IFT27: variants seen among roughly 807,000 people sequenced by gnomAD.
IFT27 encodes intraflagellar transport protein 27 homolog.
Under a neutral mutation model 23.9 loss-of-function variants are expected in IFT27, and 19 were observed. That is an observed-to-expected ratio of 0.79 (90% CI 0.55 to 1.16). The LOEUF (loss-of-function observed/expected upper bound fraction) is 1.16, where lower values mean the gene tolerates loss of function less well. IFT27 is among the 50% of genes most tolerant of loss of function. The pLI, the probability that IFT27 is intolerant of heterozygous loss-of-function variation, is 0.00. For synonymous variants in IFT27, 91 were observed against 89.1 expected, an observed-to-expected ratio of 1.02 and a Z score of -0.12; for missense variants, 206 against 228.7, an observed-to-expected ratio of 0.90 and a Z score of 0.64.
At chr22:36,772,748 G>A (rs2145925407) in intron 1 of IFT27, 1 of 985,224 alleles carries the variant, frequency 1.0e-6, no homozygotes. Context: ...CACTTGAACT[G>A]AACGTCAGGT....
At position 36,766,207 on chromosome 22, in the gene IFT27, G is replaced by GAAAAGC. The variant is rs1938245494; in HGVS notation, c.175-16_175-11dup. The GAAAAGC allele has an allele frequency of 5.0e-6, 8 of 1,613,098 alleles. No homozygotes were observed. In the Admixed American group the frequency reaches 1.0e-4, roughly 20 times the overall value. ...CAAAAATGAAGAGTTCCTACAATCAGAAAAGCAAGAAAAGTCTCCACGTGG... is the reference window on the plus strand; with the variant it reads ...CAAAAATGAAGAGTTCCTACAATCAGAAAAGCAAAAGCAAGAAAAGTCTCCACGTGG... On this transcript the variant is annotated splice_polypyrimidine_tract_variant and intron_variant, in intron 3 of 6. Transcript: ENST00000433985.
At chr22:36,772,718 G>A (rs1488209247) in intron 1 of IFT27, 2 of 984,702 alleles carry the variant, frequency 2.0e-6, no homozygotes, top group Admixed American at 6.1e-5. Flanking sequence ...TGCTCAGCGA[G>A]TATCTGTTCA....
In IFT27 at chr22:36,776,092, A is replaced by G. The variant is rs1159203375; in HGVS notation, c.-385T>C. The G allele has an allele frequency of 3.7e-6, 1 of 273,058 alleles. No homozygotes were observed. Among genetic ancestry groups the G allele is most frequent in the African/African-American group, 2.2e-5 (1 of 45,974 alleles). The allele number at this position is 273,058 out of a possible 1,614,324, so 16.9% of individuals were successfully genotyped here. A position where few individuals can be genotyped will look rare whatever the true frequency, so the allele number is the denominator to read the frequency against. ...CGATCACAAGTACCGGGCCGGATGC[A>G]CTCTCCAAGCAACCATAGCCCACCT... On this transcript the variant is annotated 5_prime_UTR_variant, in exon 1 of 7. Transcript: ENST00000433985.
intron 1 of IFT27, among the ~76,000 whole-genome samples, chr22:36,774,259 A>T (rs374428667): frequency 5.6e-4 from 86 of 152,350 alleles, no homozygotes; most frequent in African/African-American, 1.9e-3. Flanking sequence ...TATAAAAGCC[A>T]TTAAAAATAT....
At chr22:36,765,264 C>T (rs1313111342) in intron 4 of IFT27, among the ~76,000 whole-genome samples, 1 of 152,186 alleles carries the variant, frequency 6.6e-6, no homozygotes, top group Non-Finnish European at 1.5e-5. Context: ...TGGCATCAAG[C>T]TAAAGCCAGA....
At position 36,763,491 on chromosome 22, in the gene IFT27, T is replaced by C. The variant is rs1321071885; in HGVS notation, c.352+428A>G. On this transcript the variant is annotated intron_variant, in intron 5 of 6. Coordinates refer to ENST00000433985, the MANE Select transcript of IFT27 (RefSeq NM_001177701.3). ...TGTCTCTGGAGATCACTTTCCCCGG[T>C]CTATAATGAGGAGAATTTGTTGATC... 1.3e-5 allele frequency: 4 copies of C among 299,058 alleles called. No individual in the cohort carries two copies. In the East Asian group the frequency reaches 3.6e-4, roughly 27 times the overall value. The allele number at this position is 299,058 out of a possible 1,614,324, so 18.5% of individuals were successfully genotyped here. A position where few individuals can be genotyped will look rare whatever the true frequency, so the allele number is the denominator to read the frequency against.
intron 4 of IFT27, among the ~76,000 whole-genome samples, chr22:36,765,351 T>G (rs1457206764): frequency 6.6e-6 from 1 of 152,160 alleles, no homozygotes; most frequent in Non-Finnish European, 1.5e-5. Context: ...GGATTTGCCC[T>G]AATACATCTT....
chr22:36,774,620 C>G (rs1237669565), intron 1 of IFT27, among the ~76,000 whole-genome samples: 4 of 151,090 alleles, frequency 2.6e-5, no homozygotes. Context: ...CCAGTCTGGC[C>G]AACATGGTGA....
chr22:36,768,021 C>A, intron 1 of IFT27, 159 bp from the exon 2 acceptor site: 1 of 727,460 alleles, frequency 1.4e-6, no homozygotes, highest in Non-Finnish European at 2.5e-6. Context: ...GGGCAGGGCA[C>A]AGGTCCATGA....
Position 36,758,337 on chromosome 22 carries a change from C to A in IFT27, c.535G>T (p.Val179Leu). The change falls in exon 7 of 7, where the codon GTG becomes TTG. Residue 179 changes from valine to leucine, a missense_variant. Transcript: ENST00000433985. ...KQFHQLYREK[V>L]EVFRALA ...CATGCCAGGGCCCGGAAAACCTCCA[C>A]CTTCTCCCGGTACAGCTGGTGGAAC... 1 of 1,614,184 alleles carries A rather than the reference C, an allele frequency of 6.2e-7. No individual in the cohort carries two copies. Among genetic ancestry groups the A allele is most frequent in the East Asian group, 2.2e-5 (1 of 44,888 alleles).
chr22:36,758,722 G>A (rs923093073), intron 6 of IFT27: 1 of 295,664 alleles, frequency 3.4e-6, no homozygotes, highest in African/African-American at 2.2e-5. Context: ...GACGAGATGT[G>A]AAAATGACAC....
At chr22:36,772,474 T>C (rs1938405959) in intron 1 of IFT27, 1 of 983,994 alleles carries the variant, frequency 1.0e-6, no homozygotes, top group East Asian at 1.1e-4. Context: ...TAAGTGTTTT[T>C]TTAAAAGTAA....
intron 1 of IFT27, among the ~76,000 whole-genome samples, chr22:36,770,696 C>T (rs1480037491): frequency 6.6e-6 from 1 of 152,146 alleles, no homozygotes; most frequent in Admixed American, 6.5e-5. Context: ...CCTCCTTCCT[C>T]CCATCTTCAG....
intron 4 of IFT27, among the ~76,000 whole-genome samples, chr22:36,764,917 C>A (rs982483594): frequency 1.3e-5 from 2 of 152,156 alleles, no homozygotes; most frequent in African/African-American, 4.8e-5. Context: ...ACAATTAGGA[C>A]CTGGTTTATT....
intron 1 of IFT27, among the ~76,000 whole-genome samples, chr22:36,770,058 G>T (rs1938355789): frequency 6.6e-6 from 1 of 152,186 alleles, no homozygotes; most frequent in Non-Finnish European, 1.5e-5. Context: ...AAGGCGTCTG[G>T]GAAGCATCGA....
At chr22:36,763,642 T>A (rs1938157039) in intron 5 of IFT27, 1 of 525,672 alleles carries the variant, frequency 1.9e-6, no homozygotes, top group African/African-American at 1.9e-5. Flanking sequence ...TTTCTGGAAT[T>A]AACAACTGAT....
Position 36,763,925 on chromosome 22 carries a change from G to C in IFT27, c.346C>G (p.Leu116Val). The C allele has an allele frequency of 6.2e-7, 1 of 1,609,732 alleles. No individual in the cohort carries two copies. Among genetic ancestry groups the C allele is most frequent in the South Asian group, 1.1e-5 (1 of 91,004 alleles). The change falls in exon 5 of 7, where the codon CTC (leucine) becomes GTC (valine). Residue 116 changes from leucine to valine, a missense_variant. By Grantham distance (32) the Leu-to-Val change is conservative. Transcript: ENST00000433985. Reference sequence around the variant, plus strand: ...GGGTGTCTGCAGCCCGTACCTGGGAGAGAGATGCCTGGAGCCTGTGACCGA... The same window carrying C: ...GGGTGTCTGCAGCCCGTACCTGGGACAGAGATGCCTGGAGCCTGTGACCGA... ...KARSQAPGIS[L>V]PGVLVGNKTD...
chr22:36,763,626 G>T, intron 5 of IFT27: 2 of 498,814 alleles, frequency 4.0e-6, no homozygotes, highest in South Asian at 4.1e-5. Flanking sequence ...CTTCCCTGGG[G>T]TTAGCTTTCT....
chr22:36,760,192 G>A (rs1025167185), intron 6 of IFT27: 5 of 152,234 alleles, frequency 3.3e-5, no homozygotes, highest in Admixed American at 2.0e-4. Flanking sequence ...AGCCAGTGTC[G>A]GGGTAAAACA....
Sources: allele counts gnomAD v4.1 joint callset (sites outside exome capture counted in the v4.1 genomes callset), GRCh38; gene constraint gnomAD v4.1.1; transcripts MANE v1.5; gene names NCBI Gene and HGNC (gene_info 2026-07-23, HGNC 2026-07-21).